The following INSYN1 variants were observed in gnomAD, a reference collection of about 807,000 sequenced individuals.
INSYN1 encodes UPF0583 protein C15orf59.
In INSYN1, 7 loss-of-function variants were observed where a neutral mutation model predicts 17.1. That is an observed-to-expected ratio of 0.41 (90% CI 0.23 to 0.77). The LOEUF (loss-of-function observed/expected upper bound fraction) is 0.77, where lower values mean the gene tolerates loss of function less well. INSYN1 is among the 30% of genes least tolerant of loss of function. The pLI is 0.32. For synonymous variants in INSYN1, 174 were observed against 166.3 expected (o/e 1.05, Z -0.36); for missense variants, 339 against 400.6 (o/e 0.85, Z 1.31).
rs1596041151 is a variant in INSYN1, at chr15:73,751,497, G to A, written c.-367C>T. ...ACAGAGGCAGGGGGATGACTCTGCA[G>A]GGACTAAGGGTAAGAGATGCCCTTG... On this transcript the variant is annotated 5_prime_UTR_variant, in exon 2 of 3. Transcript: ENST00000569673. 3.6e-6 allele frequency: 1 copy of A among 274,756 alleles called. No homozygotes were observed. The highest frequency in any genetic ancestry group is 7.2e-6 in the Non-Finnish European group (1 of 139,746). 17.0% of individuals were successfully genotyped at this position (274,756 alleles called of 1,614,324 possible). A position where few individuals can be genotyped will look rare whatever the true frequency, so the allele number is the denominator to read the frequency against.
In INSYN1 at chr15:73,740,657, G is replaced by T; in HGVS notation, c.157-15C>A. 1.3e-6 allele frequency: 2 copies of T among 1,593,034 alleles called. No homozygotes were observed. Among genetic ancestry groups the T allele is most frequent in the South Asian group, 1.1e-5 (1 of 87,262 alleles). On this transcript the variant is annotated splice_polypyrimidine_tract_variant and intron_variant, in intron 2 of 2. Coordinates refer to ENST00000569673, the MANE Select transcript of INSYN1 (RefSeq NM_001039614.3). ...TGGCTCACCACCTGACCAGGGAAGG[G>T]GAGAGGAGATGAGAGGGGCCAGGTG...
intron 2 of INSYN1, among the ~76,000 whole-genome samples, chr15:73,747,856 C>T (rs1035396986): frequency 1.3e-5 from 2 of 152,056 alleles, no homozygotes; most frequent in Non-Finnish European, 2.9e-5. Flanking sequence ...AACGATTGAC[C>T]GTCATATCCC....
Position 73,739,614 on chromosome 15 carries a change from C to T in INSYN1, c.*303G>A, listed in dbSNP as rs1340918370. The T allele has an allele frequency of 6.5e-6, 1 of 153,260 alleles. No homozygotes were observed. Among genetic ancestry groups the T allele is most frequent in the East Asian group, 1.9e-4 (1 of 5,198 alleles). 9.5% of individuals were successfully genotyped at this position (153,260 alleles called of 1,614,324 possible). On this transcript the variant is annotated 3_prime_UTR_variant, in exon 3 of 3. Transcript: ENST00000569673. ...CAGACTCCACCACAGAGTTCAGGGG[C>T]TAGCAAAAGGAGGATCAGACCTCCC...
intron 2 of INSYN1, among the ~76,000 whole-genome samples, chr15:73,747,423 C>T (rs1280924803): frequency 6.6e-6 from 1 of 152,146 alleles, no homozygotes; most frequent in African/African-American, 2.4e-5. Flanking sequence ...AAAACAAGGC[C>T]GTACGTGGAG....
chr15:73,751,053 T>A lies in INSYN1; in HGVS notation c.78A>T (p.Arg26=), dbSNP rs745468715. ...GCCCGATGACCATCTTCATGCGCTG[T>A]CGAATCCGCTCCCGCTCACCACCAC... ...PSSGGERERI[R]QRMKMVIGQL... The change falls in exon 2 of 3, where the codon CGA becomes CGT. Residue 26 remains arginine (R), a synonymous_variant. Transcript: ENST00000569673. 6.2e-7 allele frequency: 1 copy of A among 1,614,014 alleles called. No homozygotes were observed. Among genetic ancestry groups the A allele is most frequent in the Non-Finnish European group, 8.5e-7 (1 of 1,180,000 alleles).
chr15:73,740,633 G>C lies in INSYN1; in HGVS notation c.166C>G (p.Gln56Glu), dbSNP rs776560273. 1.9e-6 allele frequency: 3 copies of C among 1,608,598 alleles called. No individual in the cohort carries two copies. Among genetic ancestry groups the C allele is most frequent in the African/African-American group, 1.3e-5 (1 of 74,840 alleles). The change falls in exon 3 of 3, where the codon CAG becomes GAG. Residue 56 changes from glutamine (Q) to glutamate (E), a missense_variant. Transcript: ENST00000569673. The stretch of plus-strand genomic sequence containing the variant: ...AAGTCCGAGGTTAGCTTATCGATCT[G>C]GCTCACCACCTGACCAGGGAAGGGG... ...VAKELREVVS[Q>E]IDKLTSDFDF... is the part of the protein sequence containing the mutation.
intron 2 of INSYN1, among the ~76,000 whole-genome samples, chr15:73,742,232 G>A (rs1901709140): frequency 6.6e-6 from 1 of 152,166 alleles, no homozygotes; most frequent in Non-Finnish European, 1.5e-5. Context: ...GAGGAATCAG[G>A]ACATCTGGAT....
At chr15:73,743,828 CAAAAAAAAAAAAAAA>C (rs71434209) in intron 2 of INSYN1, among the ~76,000 whole-genome samples, 23 of 21,296 alleles carry the variant, frequency 1.1e-3, no homozygotes, top group African/African-American at 3.8e-3. Context: ...GACTCTGTCT[CAAAAAAAAAAAAAAA>C]AAAAAAAAAA....
In INSYN1 at chr15:73,740,320, G is replaced by C. The variant is rs772281429; in HGVS notation, c.479C>G (p.Ser160Cys). The C allele has an allele frequency of 8.7e-6, 14 of 1,612,004 alleles. No homozygotes were observed. The highest frequency in any genetic ancestry group is 1.2e-5 in the Non-Finnish European group (14 of 1,179,066). The change falls in exon 3 of 3, where the codon TCC (serine) becomes TGC (cysteine). Residue 160 changes from serine (S) to cysteine (C), a missense_variant. By Grantham distance (112) the Ser-to-Cys change is moderately radical. Transcript: ENST00000569673. ...NGPRVETPDS[S>C]SEEAFGAGPT... ...GCCAGCACCAAAGGCCTCCTCACTG[G>C]AGGAGTCTGGGGTCTCCACTCGTGG...
intron 2 of INSYN1, among the ~76,000 whole-genome samples, chr15:73,742,733 C>T (rs928178973): frequency 2.0e-5 from 3 of 152,134 alleles, no homozygotes. Flanking sequence ...CCCAAAGGAA[C>T]CTCAGAGAAA....
intron 2 of INSYN1, among the ~76,000 whole-genome samples, chr15:73,743,511 C>T (rs188490660): frequency 2.0e-5 from 3 of 152,154 alleles, no homozygotes; most frequent in Admixed American, 2.0e-4. Context: ...CCTCCTCACC[C>T]AGGGTGATGA....
intron 2 of INSYN1, among the ~76,000 whole-genome samples, chr15:73,746,993 C>T (rs1470870972): frequency 1.3e-5 from 2 of 152,124 alleles, no homozygotes; most frequent in Non-Finnish European, 2.9e-5. Context: ...AGAACGAATC[C>T]AAATTCCGTG....
At chr15:73,747,033 C>A (rs1449130826) in intron 2 of INSYN1, among the ~76,000 whole-genome samples, 1 of 152,166 alleles carries the variant, frequency 6.6e-6, no homozygotes, top group Non-Finnish European at 1.5e-5. Flanking sequence ...CGGAATCTGA[C>A]TCCCTGCTCC....
Position 73,753,259 on chromosome 15 carries a change from CG to C in INSYN1, c.-1718del, listed in dbSNP as rs1902045293. On this transcript the variant is annotated 5_prime_UTR_variant, in exon 1 of 3. Coordinates refer to ENST00000569673, the MANE Select transcript of INSYN1 (RefSeq NM_001039614.3). This position sits in a 1 kb window ranked among gnomAD's most constrained non-coding sequence, Gnocchi z 4.2. ...GCCCCCGGCCCGCCCCGCCGCCCCC[CG>C]CCGGACTGGCCGCCCGGGCGGGCGC... Among the ~76,000 whole-genome samples, 1 of 147,192 alleles carries C rather than the reference CG, an allele frequency of 6.8e-6. No homozygotes were observed. Among genetic ancestry groups the C allele is most frequent in the African/African-American group, 2.4e-5 (1 of 40,862 alleles).
Position 73,739,850 on chromosome 15 carries a change from T to C in INSYN1, c.*67A>G. On this transcript the variant is annotated 3_prime_UTR_variant, in exon 3 of 3. Coordinates refer to ENST00000569673, the MANE Select transcript of INSYN1 (RefSeq NM_001039614.3). ...CTTCATTTGTTTAAATATATATATATATATATATATATATATATTTATTTA... is the reference window on the plus strand; with the variant it reads ...CTTCATTTGTTTAAATATATATATACATATATATATATATATATTTATTTA... 1 of 195,722 alleles carries C rather than the reference T, an allele frequency of 5.1e-6. No homozygotes were observed. Among genetic ancestry groups the C allele is most frequent in the Non-Finnish European group, 9.7e-6 (1 of 103,512 alleles). 12.1% of individuals were successfully genotyped at this position (195,722 alleles called of 1,614,324 possible).
At chr15:73,750,846 A>C in intron 2 of INSYN1, 129 bp downstream of exon 2, 1 of 1,005,504 alleles carries the variant, frequency 9.9e-7, no homozygotes, top group East Asian at 2.4e-5. Flanking sequence ...AGGAGAAAGA[A>C]GGTCCCCAGT....
In INSYN1 at chr15:73,752,125, CG is replaced by C; in HGVS notation, c.-584del. The C allele has an allele frequency of 6.6e-6, 1 of 152,436 alleles. No individual in the cohort carries two copies. The allele number at this position is 152,436 out of a possible 1,614,324, so 9.4% of individuals were successfully genotyped here. The stretch of plus-strand genomic sequence containing the variant: ...CTGGACTCACCGAGGGTGGGGGCAC[CG>C]GCCTTCCCTCCAAGCAGCGTCGGGG... On this transcript the variant is annotated 5_prime_UTR_variant, in exon 1 of 3. Coordinates refer to ENST00000569673, the MANE Select transcript of INSYN1 (RefSeq NM_001039614.3). This position sits in a 1 kb window ranked among gnomAD's most constrained non-coding sequence, Gnocchi z 5.2.
intron 2 of INSYN1, among the ~76,000 whole-genome samples, chr15:73,747,724 C>T (rs761748717): frequency 6.6e-6 from 1 of 152,176 alleles, no homozygotes; most frequent in African/African-American, 2.4e-5. Context: ...ATGCTCATAG[C>T]CCCTGAGCTG....
chr15:73,742,562 C>G (rs1446377949), intron 2 of INSYN1, among the ~76,000 whole-genome samples: 1 of 152,086 alleles, frequency 6.6e-6, no homozygotes, highest in African/African-American at 2.4e-5. Context: ...GGCACTAGTC[C>G]CTGGAAAGCT....
Sources: gnomAD v4.1 joint callset for allele counts (sites outside exome capture counted in the v4.1 genomes callset) on GRCh38, gnomAD v4.1.1 for gene constraint, Gnocchi (gnomAD v3.1) non-coding constraint, MANE v1.5 for transcripts, NCBI Gene and HGNC (gene_info 2026-07-23, HGNC 2026-07-21) for gene names.